The following FER variants were observed in gnomAD, a reference collection of about 807,000 sequenced individuals.
FER encodes the protein tyrosine-protein kinase Fer.
Under a neutral mutation model 111.0 loss-of-function variants are expected in FER, and 63 were observed. That is an observed-to-expected ratio of 0.57 (90% CI 0.46 to 0.70). FER has a LOEUF of 0.70. FER is among the 30% of genes least tolerant of loss of function. FER has a pLI of 0.00. For missense variants in FER, 914 were observed against 954.0 expected, an observed-to-expected ratio of 0.96 and a Z score of 0.55; for synonymous variants, 327 against 313.9, an observed-to-expected ratio of 1.04 and a Z score of -0.44.
chr5:108,936,785 C>T (rs1398661557), intron 10 of FER, among the ~76,000 whole-genome samples: 1 of 151,902 alleles, frequency 6.6e-6, no homozygotes, highest in African/African-American at 2.4e-5. Flanking sequence ...TGTATTAACA[C>T]TTTTAGCTAT....
At chr5:108,840,825 A>C (rs1435043989) in intron 5 of FER, among the ~76,000 whole-genome samples, 1 of 152,166 alleles carries the variant, frequency 6.6e-6, no homozygotes, top group Non-Finnish European at 1.5e-5. Flanking sequence ...TGACTGCCAG[A>C]TCTCTCCATT....
chr5:109,006,442 T>G (rs867324259), intron 13 of FER, among the ~76,000 whole-genome samples: 8 of 152,310 alleles, frequency 5.3e-5, no homozygotes, highest in South Asian at 2.1e-4. Context: ...AGCCTTTGCT[T>G]CTTCTTTGCC....
chr5:109,086,719 A>C (rs189559210), intron 16 of FER, among the ~76,000 whole-genome samples: 1 of 151,538 alleles, frequency 6.6e-6, no homozygotes, highest in Admixed American at 6.6e-5. Flanking sequence ...CTTCAGTTTG[A>C]ATCATGTTCT....
intron 13 of FER, among the ~76,000 whole-genome samples, chr5:108,961,583 A>G (rs1759159053): frequency 6.6e-6 from 1 of 152,174 alleles, no homozygotes; most frequent in African/African-American, 2.4e-5. Context: ...TATATGAGGT[A>G]GAAATTTAAA....
chr5:108,900,442 A>G (rs1224686137), intron 10 of FER, among the ~76,000 whole-genome samples: 1 of 152,256 alleles, frequency 6.6e-6, no homozygotes, highest in Non-Finnish European at 1.5e-5. Context: ...ATGTTACAAG[A>G]AAAGCCTGGA....
chr5:108,889,704 G>C (rs572640458), intron 9 of FER, among the ~76,000 whole-genome samples: 27 of 151,982 alleles, frequency 1.8e-4, no homozygotes, highest in African/African-American at 6.5e-4. Flanking sequence ...AATGCTTGAG[G>C]TGATGGATAC....
intron 17 of FER, among the ~76,000 whole-genome samples, chr5:109,161,949 C>T (rs1756036056): frequency 6.6e-6 from 1 of 152,082 alleles, no homozygotes; most frequent in Non-Finnish European, 1.5e-5. Flanking sequence ...TTTTTAATAG[C>T]CATTCCGACT....
At chr5:108,882,529 A>G (rs1765781595) in intron 8 of FER, among the ~76,000 whole-genome samples, 1 of 151,378 alleles carries the variant, frequency 6.6e-6, no homozygotes, top group African/African-American at 2.4e-5. Context: ...CCATTTTCAT[A>G]TTAGTTTGTC....
chr5:109,165,638 GTA>G lies in FER; in HGVS notation c.2049-15106_2049-15105del, dbSNP rs919378465. 5.3e-4 allele frequency among the ~76,000 whole-genome samples: 51 copies of G among 96,086 alleles called. 1 individual carries two copies. The highest frequency in any genetic ancestry group is 1.9e-3 in the African/African-American group (50 of 26,940). 63.0% of individuals were successfully genotyped at this position (96,086 alleles called of 152,430 possible). On this transcript the variant is annotated intron_variant, in intron 17 of 19. Transcript: ENST00000281092. ...TGTGTGTGTGTGTGTGTGTGTGTGT[GTA>G]TACACACATATATATCACAGACTCA...
chr5:108,762,883 A>C lies in FER; in HGVS notation c.-205-5210A>C, dbSNP rs149976766. Among the ~76,000 whole-genome samples the C allele has an allele frequency of 8.9e-3, 1,352 of 152,292 alleles. 15 individuals are homozygous for C. The highest frequency in any genetic ancestry group is 0.031 in the African/African-American group (1,269 of 41,552). ...CCTTATCTCCTTCAGGTCTTTGGTA[A>C]ATGTCACTTTATCTGTAAAGTCTTT... is the stretch of plus-strand genomic sequence containing the variant. On this transcript the variant is annotated intron_variant, in intron 1 of 19. Coordinates refer to ENST00000281092, the MANE Select transcript of FER (RefSeq NM_005246.4).
At chr5:108,753,223 T>C (rs1750695028) in intron 1 of FER, among the ~76,000 whole-genome samples, 1 of 152,152 alleles carries the variant, frequency 6.6e-6, no homozygotes, top group African/African-American at 2.4e-5. Context: ...GTGTTTATTA[T>C]ACCATCCACA....
In FER at chr5:108,754,741, C is replaced by G. The variant is rs1457478341; in HGVS notation, c.-206+6741C>G. On this transcript the variant is annotated intron_variant, in intron 1 of 19. Transcript: ENST00000281092. The stretch of plus-strand genomic sequence containing the variant: ...TAGTTTTCTAGTGTAAATCATTTTG[C>G]TTGCAAAAAGGCTATTTCTATATTG... 2.6e-5 allele frequency among the ~76,000 whole-genome samples: 4 copies of G among 152,220 alleles called. No individual in the cohort carries two copies. In the East Asian group the frequency reaches 5.8e-4, roughly 22 times the overall value.
At chr5:108,839,144 A>T (rs1233438825) in intron 5 of FER, among the ~76,000 whole-genome samples, 1 of 152,224 alleles carries the variant, frequency 6.6e-6, no homozygotes, top group Non-Finnish European at 1.5e-5. Context: ...TTCATGGCCC[A>T]TGTCAGTGCC....
intron 13 of FER, among the ~76,000 whole-genome samples, chr5:109,023,968 CTGAG>C (rs1768302046): frequency 6.6e-6 from 1 of 152,154 alleles, no homozygotes; most frequent in Non-Finnish European, 1.5e-5. Flanking sequence ...TAGGCACTGA[CTGAG>C]TACTTTATTA....
intron 1 of FER, among the ~76,000 whole-genome samples, chr5:108,760,399 A>G (rs1751598429): frequency 6.6e-6 from 1 of 152,206 alleles, no homozygotes; most frequent in Non-Finnish European, 1.5e-5. Context: ...TGTCCTTTGA[A>G]GCTTTGAAGT....
At chr5:108,911,799 C>A (rs1482114927) in intron 10 of FER, among the ~76,000 whole-genome samples, 1 of 151,978 alleles carries the variant, frequency 6.6e-6, no homozygotes, top group Admixed American at 6.6e-5. Flanking sequence ...TTTCTGGGTT[C>A]TCTGTTCTGT....
chr5:109,138,078 C>A (rs1753106575), intron 17 of FER, among the ~76,000 whole-genome samples: 1 of 152,100 alleles, frequency 6.6e-6, no homozygotes, highest in South Asian at 2.1e-4. Flanking sequence ...ACTCATGCTT[C>A]AGGAACTATA....
chr5:108,992,046 T>C (rs1284263838), intron 13 of FER, among the ~76,000 whole-genome samples: 1 of 152,078 alleles, frequency 6.6e-6, no homozygotes, highest in Admixed American at 6.6e-5. Context: ...TTTGTGTCCC[T>C]GGGTACTTGA....
chr5:108,979,165 T>C (rs147507349), intron 13 of FER, among the ~76,000 whole-genome samples: 13 of 152,212 alleles, frequency 8.5e-5, no homozygotes, highest in African/African-American at 2.9e-4. Context: ...CTTGTGGTTA[T>C]AGACAATTAA....
Sources: allele counts gnomAD v4.1 joint callset (sites outside exome capture counted in the v4.1 genomes callset), GRCh38; gene constraint gnomAD v4.1.1; transcripts MANE v1.5; gene names NCBI Gene and HGNC (gene_info 2026-07-23, HGNC 2026-07-21).